The following PCSK2 variants were observed in gnomAD, a reference collection of about 807,000 sequenced individuals.
PCSK2 encodes neuroendocrine convertase 2.
PCSK2 carries 14 observed loss-of-function variants against 69.7 expected under a neutral mutation model. The observed-to-expected ratio is 0.20, with a 90% CI of 0.13 to 0.31. The LOEUF (loss-of-function observed/expected upper bound fraction) is 0.31. Ranked by LOEUF, PCSK2 falls within the 10% of genes least tolerant of loss-of-function variation. The pLI is 1.00. For missense variants in PCSK2, 544 were observed against 842.5 expected (o/e 0.65, Z 4.39); for synonymous variants, 307 against 320.7 (o/e 0.96, Z 0.46).
intron 2 of PCSK2, among the ~76,000 whole-genome samples, chr20:17,297,276 G>A (rs1441335757): frequency 6.6e-6 from 1 of 152,226 alleles, no homozygotes; most frequent in African/African-American, 2.4e-5. Flanking sequence ...GTTGGGTCTT[G>A]TAAACCATGG....
intron 1 of PCSK2, among the ~76,000 whole-genome samples, chr20:17,238,499 G>A (rs1284930337): frequency 6.6e-6 from 1 of 152,126 alleles, no homozygotes; most frequent in South Asian, 2.1e-4. Flanking sequence ...GAGGGAAAGG[G>A]CATCGAACAC....
intron 5 of PCSK2, among the ~76,000 whole-genome samples, chr20:17,399,729 A>G (rs2031592897): frequency 6.6e-6 from 1 of 151,372 alleles, no homozygotes; most frequent in African/African-American, 2.4e-5. Context: ...TAAGCATCTC[A>G]TGGCATTTTC....
chr20:17,439,499 G>C (rs536131293), intron 8 of PCSK2, among the ~76,000 whole-genome samples: 1 of 152,106 alleles, frequency 6.6e-6, no homozygotes, highest in Non-Finnish European at 1.5e-5. Context: ...CCCTGTGTCC[G>C]TGTTTGTATT....
chr20:17,330,628 C>A (rs1025794646), intron 2 of PCSK2, among the ~76,000 whole-genome samples: 1 of 151,760 alleles, frequency 6.6e-6, no homozygotes, highest in South Asian at 2.1e-4. Flanking sequence ...AATAAAAATA[C>A]ATAAATTAAA....
At chr20:17,230,689 A>C (rs991220484) in intron 1 of PCSK2, among the ~76,000 whole-genome samples, 2 of 152,152 alleles carry the variant, frequency 1.3e-5, no homozygotes, top group Admixed American at 6.5e-5. Flanking sequence ...GTAGACTATA[A>C]ATCTTCCAAG....
intron 2 of PCSK2, among the ~76,000 whole-genome samples, chr20:17,330,434 A>C (rs1339734759): frequency 6.6e-6 from 1 of 152,030 alleles, no homozygotes; most frequent in Non-Finnish European, 1.5e-5. Flanking sequence ...TCTACTAAAA[A>C]TAAAAAAAAA....
chr20:17,371,228 C>T (rs935130838), intron 5 of PCSK2, among the ~76,000 whole-genome samples: 7 of 152,220 alleles, frequency 4.6e-5, no homozygotes, highest in African/African-American at 1.7e-4. Flanking sequence ...CTGCATCCTT[C>T]CCTTCTCCCT....
intron 1 of PCSK2, among the ~76,000 whole-genome samples, chr20:17,231,941 C>T (rs1267814488): frequency 6.6e-6 from 1 of 152,172 alleles, no homozygotes; most frequent in African/African-American, 2.4e-5. Flanking sequence ...TCACACCTCA[C>T]CCTTCAAATA....
chr20:17,439,817 C>T (rs944881352), intron 8 of PCSK2, among the ~76,000 whole-genome samples: 25 of 152,208 alleles, frequency 1.6e-4, no homozygotes, highest in African/African-American at 5.8e-4. Context: ...CTGGATCTAA[C>T]CCCCAGACTT....
At chr20:17,429,568 T>C in intron 7 of PCSK2, 45 bp downstream of exon 7, 1 of 1,284,642 alleles carries the variant, frequency 7.8e-7, no homozygotes, top group South Asian at 1.2e-5. Context: ...GGTATCACAC[T>C]GATCTCAAGG....
chr20:17,432,245 G>A (rs141759090), intron 7 of PCSK2, among the ~76,000 whole-genome samples: 679 of 152,024 alleles, frequency 4.5e-3, no homozygotes, highest in Middle Eastern at 0.027. Flanking sequence ...TTGTTGATTT[G>A]TAGGCATTCT....
intron 4 of PCSK2, among the ~76,000 whole-genome samples, chr20:17,363,485 C>T (rs781490684): frequency 4.6e-5 from 7 of 152,182 alleles, no homozygotes; most frequent in South Asian, 2.1e-4. Context: ...TGACAACTTC[C>T]GCCCTTTTAC....
At chr20:17,351,828 A>G (rs1032218737) in intron 2 of PCSK2, among the ~76,000 whole-genome samples, 2 of 152,200 alleles carry the variant, frequency 1.3e-5, no homozygotes, top group East Asian at 1.9e-4. Context: ...TATTCAACAT[A>G]GTACTGGAAG....
At chr20:17,444,292 AC>A (rs1380422991) in intron 8 of PCSK2, among the ~76,000 whole-genome samples, 1 of 152,168 alleles carries the variant, frequency 6.6e-6, no homozygotes, top group Non-Finnish European at 1.5e-5. Context: ...TGGATAAGAG[AC>A]TTTTATCGGG....
chr20:17,243,691 T>C (rs1270316790), intron 1 of PCSK2, among the ~76,000 whole-genome samples: 1 of 152,176 alleles, frequency 6.6e-6, no homozygotes, highest in Non-Finnish European at 1.5e-5. Context: ...TGGAGGTAGC[T>C]GCATTTAAGA....
At chr20:17,281,275 T>C (rs1245574540) in intron 2 of PCSK2, among the ~76,000 whole-genome samples, 3 of 152,196 alleles carry the variant, frequency 2.0e-5, no homozygotes, top group African/African-American at 7.2e-5. Context: ...ACCCCATACC[T>C]AACTTCAGCC....
intron 2 of PCSK2, among the ~76,000 whole-genome samples, chr20:17,336,846 T>G (rs1990366474): frequency 6.6e-6 from 1 of 152,076 alleles, no homozygotes; most frequent in South Asian, 2.1e-4. Context: ...GACGGGGTAA[T>G]GAGGTGCATT....
At chr20:17,234,840 T>C (rs914413313) in intron 1 of PCSK2, among the ~76,000 whole-genome samples, 1 of 152,188 alleles carries the variant, frequency 6.6e-6, no homozygotes, top group African/African-American at 2.4e-5. Context: ...GAATAAAACA[T>C]GAAATCTGAA....
chr20:17,302,972 G>A (rs2123092385), intron 2 of PCSK2, among the ~76,000 whole-genome samples: 1 of 151,970 alleles, frequency 6.6e-6, no homozygotes, highest in South Asian at 2.1e-4. Flanking sequence ...CTCAATGTGA[G>A]CTCACTCTGA....
Sources: gnomAD v4.1 joint callset for allele counts (sites outside exome capture counted in the v4.1 genomes callset) on GRCh38, gnomAD v4.1.1 for gene constraint, MANE v1.5 for transcripts, NCBI Gene and HGNC (gene_info 2026-07-23, HGNC 2026-07-21) for gene names.